The following ZNF469 variants were observed in gnomAD, a reference collection of about 807,000 sequenced individuals.
ZNF469 encodes the protein zinc finger protein 469.
Under a neutral mutation model 1.0 loss-of-function variants are expected in ZNF469, and 1 was observed. That is an observed-to-expected ratio of 1.00 (90% CI 0.35 to 4.73). ZNF469 has a LOEUF of 4.73. Among genes scored for constraint, ZNF469 ranks in the 30% most tolerant of loss-of-function variants. ZNF469 has a pLI of 0.16. For synonymous variants in ZNF469, 2,703 were observed against 2,363.4 expected, an observed-to-expected ratio of 1.14 and a Z score of -4.17; for missense variants, 6,100 against 5,356.3, an observed-to-expected ratio of 1.14 and a Z score of -4.33.
the ZNF469 span, among the ~76,000 whole-genome samples, chr16:88,215,147 C>G: frequency 2.0e-5 from 3 of 152,084 alleles, no homozygotes; most frequent in Non-Finnish European, 4.4e-5. Flanking sequence ...TGTTTTTTAC[C>G]TAGTCTCCAA....
chr16:88,284,467 A>T, the ZNF469 span, among the ~76,000 whole-genome samples: 1 of 152,082 alleles, frequency 6.6e-6, no homozygotes, highest in Non-Finnish European at 1.5e-5. Context: ...AAATAAATAC[A>T]TAAAATTAGC....
At chr16:88,227,709 A>G in the ZNF469 span, among the ~76,000 whole-genome samples, 8 of 151,870 alleles carry the variant, frequency 5.3e-5, no homozygotes, top group Admixed American at 3.9e-4. Context: ...CGTCCCCAAC[A>G]ATGATGGAGA....
chr16:88,126,689 T>C, the ZNF469 span, among the ~76,000 whole-genome samples: 2 of 151,518 alleles, frequency 1.3e-5, no homozygotes, highest in Non-Finnish European at 2.9e-5. Context: ...AGTCTTGCTC[T>C]GTAACCCAGG....
At chr16:88,101,868 T>C in the ZNF469 span, among the ~76,000 whole-genome samples, 2 of 152,140 alleles carry the variant, frequency 1.3e-5, no homozygotes, top group African/African-American at 4.8e-5. Flanking sequence ...GGTTCCTCCA[T>C]GACGTGTAGA....
chr16:88,303,411 T>A, the ZNF469 span, among the ~76,000 whole-genome samples: 1 of 152,170 alleles, frequency 6.6e-6, no homozygotes, highest in East Asian at 1.9e-4. Flanking sequence ...CCAGCCGGGA[T>A]CCCTGCCCAC....
At chr16:88,365,133 T>C in the ZNF469 span, among the ~76,000 whole-genome samples, 1 of 152,162 alleles carries the variant, frequency 6.6e-6, no homozygotes, top group South Asian at 2.1e-4. Context: ...GATCCATGAG[T>C]CGAGTCTCAG....
chr16:88,324,509 G>T, the ZNF469 span, among the ~76,000 whole-genome samples: 6 of 152,234 alleles, frequency 3.9e-5, no homozygotes, highest in Admixed American at 3.9e-4. Context: ...AGCCCGGGAG[G>T]GTTCTTGGCT....
chr16:88,255,351 T>C, the ZNF469 span, among the ~76,000 whole-genome samples: 1 of 152,236 alleles, frequency 6.6e-6, no homozygotes, highest in Non-Finnish European at 1.5e-5. Context: ...ATGTGCCAGG[T>C]ATTTTCTACA....
chr16:88,157,235 G>A, the ZNF469 span, among the ~76,000 whole-genome samples: 1 of 151,886 alleles, frequency 6.6e-6, no homozygotes, highest in Non-Finnish European at 1.5e-5. Context: ...GCTCTCTCAG[G>A]AAGGCCTGCT....
chr16:88,378,681 G>T (rs1367634629), upstream of ZNF469, among the ~76,000 whole-genome samples: 1 of 152,194 alleles, frequency 6.6e-6, no homozygotes, highest in Non-Finnish European at 1.5e-5. Context: ...CTAGGGAGAG[G>T]GTGGCAGCAG....
chr16:88,361,093 G>T, the ZNF469 span, among the ~76,000 whole-genome samples: 3 of 152,156 alleles, frequency 2.0e-5, no homozygotes, highest in Non-Finnish European at 2.9e-5. Context: ...TAGTGGTTAT[G>T]GGAGACAGTG....
the ZNF469 span, among the ~76,000 whole-genome samples, chr16:88,135,268 C>G: frequency 9.2e-5 from 14 of 152,398 alleles, no homozygotes; most frequent in African/African-American, 3.4e-4. Context: ...CCCAGTCTCC[C>G]CCGAGGAATC....
Position 88,427,586 on chromosome 16 carries a change from C to A in ZNF469, c.116C>A (p.Thr39Asn). ...TCCCAGCCGCCACTGGAGGACAACA[C>A]CCCAGCTACCAGGACCACCAAGGGT... is the stretch of plus-strand genomic sequence containing the variant. ...HPSQPPLEDNTPATRTTKGAR... is the reference protein window; with the variant it reads ...HPSQPPLEDNNPATRTTKGAR... Residue 39 changes from threonine (T) to asparagine (N), a missense_variant, in exon 3 of 3, where the codon ACC (threonine) becomes AAC (asparagine). Transcript: ENST00000565624. 2.6e-6 allele frequency: 4 copies of A among 1,537,210 alleles called. No homozygotes were observed. The highest frequency in any genetic ancestry group is 3.5e-6 in the Non-Finnish European group (4 of 1,146,498).
chr16:88,256,189 CCT>C, the ZNF469 span, among the ~76,000 whole-genome samples: 12 of 152,296 alleles, frequency 7.9e-5, no homozygotes, highest in African/African-American at 2.6e-4. Context: ...CCCTAAAAAT[CCT>C]CTCTGTCCTG....
chr16:88,354,958 T>G, the ZNF469 span, among the ~76,000 whole-genome samples: 144 of 152,196 alleles, frequency 9.5e-4, 2 homozygotes, highest in East Asian at 0.024. Flanking sequence ...AAGAGACTTG[T>G]GCTTATCCAG....
intron 1 of ZNF469, among the ~76,000 whole-genome samples, chr16:88,408,301 A>C (rs1347725960): frequency 6.6e-6 from 1 of 152,148 alleles, no homozygotes; most frequent in Non-Finnish European, 1.5e-5. Context: ...ACAGGCACCC[A>C]CCACCACGCC....
the ZNF469 span, among the ~76,000 whole-genome samples, chr16:88,158,355 C>A: frequency 2.6e-4 from 40 of 152,012 alleles, no homozygotes; most frequent in Non-Finnish European, 2.9e-5. Context: ...GCCCCCGGGG[C>A]AGGCAAGGGT....
At chr16:88,184,400 C>T in the ZNF469 span, among the ~76,000 whole-genome samples, 5 of 152,058 alleles carry the variant, frequency 3.3e-5, no homozygotes, top group African/African-American at 7.2e-5. Context: ...CCTCCAAAGC[C>T]GCAGCCAATG....
intron 1 of ZNF469, among the ~76,000 whole-genome samples, chr16:88,384,495 C>CT (rs1335647441): frequency 6.6e-6 from 1 of 152,200 alleles, no homozygotes; most frequent in East Asian, 1.9e-4. Flanking sequence ...GGAAGGGCAG[C>CT]CAGGCACCCT....
Sources: gnomAD v4.1 joint callset for allele counts (sites outside exome capture counted in the v4.1 genomes callset) on GRCh38, gnomAD v4.1.1 for gene constraint, MANE v1.5 for transcripts, NCBI Gene and HGNC (gene_info 2026-07-23, HGNC 2026-07-21) for gene names.